Variants in TRPM3 observed in about 807,000 individuals in gnomAD.
The protein encoded by TRPM3 is long transient receptor potential channel 3.
Under a neutral mutation model 181.2 loss-of-function variants are expected in TRPM3, and 77 were observed. That is an observed-to-expected ratio of 0.42 (90% confidence interval 0.35 to 0.51). TRPM3 has a LOEUF of 0.51. Among genes scored for constraint, TRPM3 ranks in the 20% least tolerant of loss-of-function variants. The probability of loss-of-function intolerance (pLI) is 0.01; values close to 1 mark genes in which losing one functional copy is unlikely to be tolerated. For synonymous variants in TRPM3, 745 were observed against 796.4 expected, an observed-to-expected ratio of 0.94 and a Z score of 1.09; for missense variants, 1,759 against 2,196.7, an observed-to-expected ratio of 0.80 and a Z score of 3.98.
At chr9:70,607,306 G>T (rs1367984168) in intron 19 of TRPM3, among the ~76,000 whole-genome samples, 2 of 152,214 alleles carry the variant, frequency 1.3e-5, no homozygotes, top group Non-Finnish European at 2.9e-5. Context: ...AAGCACATGG[G>T]ACCTTCAATC....
chr9:71,238,054 T>C (rs987739095), intron 1 of TRPM3, among the ~76,000 whole-genome samples: 9 of 152,244 alleles, frequency 5.9e-5, no homozygotes, highest in African/African-American at 2.2e-4. Context: ...AAACTTCTGA[T>C]TGTTCACTAC....
intron 1 of TRPM3, among the ~76,000 whole-genome samples, chr9:70,928,663 T>C (rs1314760028): frequency 6.6e-6 from 1 of 152,168 alleles, no homozygotes; most frequent in Non-Finnish European, 1.5e-5. Context: ...AGAAACATCA[T>C]GACCAACCTG....
At chr9:71,094,987 G>A (rs1374129564) in intron 1 of TRPM3, among the ~76,000 whole-genome samples, 1 of 152,044 alleles carries the variant, frequency 6.6e-6, no homozygotes, top group African/African-American at 2.4e-5. Context: ...CTCTAGAAAG[G>A]TCTAAGTCCT....
chr9:71,332,048 C>T (rs535525564), intron 1 of TRPM3, among the ~76,000 whole-genome samples: 1 of 150,424 alleles, frequency 6.6e-6, no homozygotes, highest in South Asian at 2.1e-4. Context: ...TTTCTGTAAA[C>T]ACAGTATGGT....
chr9:70,804,697 C>A (rs1403929079), intron 6 of TRPM3, among the ~76,000 whole-genome samples: 1 of 142,288 alleles, frequency 7.0e-6, no homozygotes, highest in East Asian at 1.9e-4. Context: ...TTCCTCCCCT[C>A]CCCTTCCCTT....
In TRPM3 at chr9:70,664,655, T is replaced by TG. The variant is rs2061586929; in HGVS notation, c.1345+16850_1345+16851insC. On this transcript the variant is annotated intron_variant, in intron 9 of 25. Coordinates refer to ENST00000677713, the MANE Select transcript of TRPM3 (RefSeq NM_001366145.2). The stretch of plus-strand genomic sequence containing the variant: ...TTAGGAGAGTAGTTTTTTTTTTTTT[T>TG]TTTTTTTTTTTTTGAGACTGAGTCT... Among the ~76,000 whole-genome samples the TG allele has an allele frequency of 3.7e-4, 34 of 92,332 alleles. 1 individual carries two copies. The South Asian group carries it at 0.013, about 36-fold the overall frequency. The allele number at this position is 92,332 out of a possible 152,430, so 60.6% of individuals were successfully genotyped here. A position where few individuals can be genotyped will look rare whatever the true frequency, so the allele number is the denominator to read the frequency against.
rs944622200 is a variant in TRPM3, at chr9:70,588,559, G to T, written c.3223+2472C>A. Among the ~76,000 whole-genome samples the T allele has an allele frequency of 1.3e-5, 2 of 152,144 alleles. 1 individual carries two copies. Among genetic ancestry groups the T allele is most frequent in the South Asian group, 4.2e-4 (2 of 4,814 alleles). ...GTTTGAATGAGCAGCATTTCAGAAG[G>T]CCCGCACGGGGTACACCCACAGGAT... On this transcript the variant is annotated intron_variant, in intron 22 of 25. Coordinates refer to ENST00000677713, the MANE Select transcript of TRPM3 (RefSeq NM_001366145.2).
intron 1 of TRPM3, among the ~76,000 whole-genome samples, chr9:70,887,535 C>A (rs928702905): frequency 2.0e-5 from 3 of 152,028 alleles, no homozygotes; most frequent in African/African-American, 7.2e-5. Context: ...CAGCATGATG[C>A]CTTTTTATGT....
At chr9:71,192,560 T>G (rs1257169887) in intron 1 of TRPM3, among the ~76,000 whole-genome samples, 2 of 151,962 alleles carry the variant, frequency 1.3e-5, no homozygotes, top group Non-Finnish European at 2.9e-5. Flanking sequence ...TATGCCTTCT[T>G]TGGAAAAGTA....
chr9:71,436,298 C>CTTTTTTTTTTTTTTTTTT (rs71352382), intron 1 of TRPM3, among the ~76,000 whole-genome samples: 6 of 77,300 alleles, frequency 7.8e-5, no homozygotes, highest in African/African-American at 1.8e-4. Flanking sequence ...TTTTTTCTTT[C>CTTTTTTTTTTTTTTTTTT]TTTTTTTTTT....
chr9:71,287,415 A>T (rs2085389480), intron 1 of TRPM3, among the ~76,000 whole-genome samples: 1 of 151,934 alleles, frequency 6.6e-6, no homozygotes, highest in Non-Finnish European at 1.5e-5. Context: ...AATCACTATG[A>T]GGCTGTCCCA....
In TRPM3 at chr9:70,639,206, G is replaced by A. The variant is rs752222555; in HGVS notation, c.1447-12C>T. On this transcript the variant is annotated splice_polypyrimidine_tract_variant and intron_variant, in intron 10 of 25. Coordinates refer to ENST00000677713, the MANE Select transcript of TRPM3 (RefSeq NM_001366145.2). ...TCCAGAGATCCCACCTGCAAACCAA[G>A]TCACTGAGTTAGTCTGCCCCAGGGT... The A allele has an allele frequency of 6.2e-7, 1 of 1,613,356 alleles. No homozygotes were observed. The highest frequency in any genetic ancestry group is 1.3e-5 in the African/African-American group (1 of 74,920).
chr9:71,206,913 A>G (rs1470736861), intron 1 of TRPM3, among the ~76,000 whole-genome samples: 2 of 152,054 alleles, frequency 1.3e-5, no homozygotes, highest in Non-Finnish European at 2.9e-5. Context: ...GTACAAAACC[A>G]TTTCTCTAAC....
intron 22 of TRPM3, among the ~76,000 whole-genome samples, chr9:70,576,511 T>C (rs10606995): frequency 0.38 from 55,939 of 149,148 alleles, 11,363 homozygotes; most frequent in East Asian, 0.51. Context: ...CCTTCTTCTT[T>C]TTTTTTTTTT....
intron 1 of TRPM3, among the ~76,000 whole-genome samples, chr9:71,056,410 A>G (rs2060658823): frequency 1.3e-5 from 2 of 150,194 alleles, no homozygotes; most frequent in Non-Finnish European, 2.9e-5. Flanking sequence ...GACACTCTTC[A>G]TAAATATAAA....
At chr9:71,222,690 C>T (rs1239117673) in intron 1 of TRPM3, among the ~76,000 whole-genome samples, 1 of 152,198 alleles carries the variant, frequency 6.6e-6, no homozygotes, top group Non-Finnish European at 1.5e-5. Context: ...GAATTGACAA[C>T]ACCATCACTC....
intron 21 of TRPM3, among the ~76,000 whole-genome samples, chr9:70,595,855 A>G (rs1279164420): frequency 6.6e-6 from 1 of 152,196 alleles, no homozygotes; most frequent in African/African-American, 2.4e-5. Flanking sequence ...TCCTAGTCAA[A>G]AAATCCCCAA....
At chr9:71,200,401 G>C (rs12375989) in intron 1 of TRPM3, among the ~76,000 whole-genome samples, 2 of 149,024 alleles carry the variant, frequency 1.3e-5, no homozygotes, top group Non-Finnish European at 3.0e-5. Context: ...GCTTGGTGCA[G>C]AGCTGAGTTC....
intron 1 of TRPM3, among the ~76,000 whole-genome samples, chr9:71,355,871 T>C (rs2091876851): frequency 1.3e-5 from 2 of 152,150 alleles, no homozygotes; most frequent in Admixed American, 1.3e-4. Context: ...ATTATATCCC[T>C]TAAAAGAAAA....
Sources: allele counts gnomAD v4.1 joint callset (sites outside exome capture counted in the v4.1 genomes callset), GRCh38; gene constraint gnomAD v4.1.1; transcripts MANE v1.5; gene names NCBI Gene and HGNC (gene_info 2026-07-23, HGNC 2026-07-21).